Variants in POLR3B observed in about 807,000 individuals in gnomAD.
POLR3B encodes the protein RNA polymerase III subunit B.
Under a neutral mutation model 147.4 loss-of-function variants are expected in POLR3B, and 96 were observed. The ratio of observed to expected loss-of-function variants is 0.65; its 90% CI spans 0.55 to 0.77. The LOEUF is 0.77. Among genes scored for constraint, POLR3B ranks in the 30% least tolerant of loss-of-function variants. POLR3B has a pLI of 0.00. For missense variants in POLR3B, 1,036 were observed against 1,413.5 expected (o/e 0.73, Z 4.28); for synonymous variants, 461 against 485.9 (o/e 0.95, Z 0.67).
At chr12:106,448,200 G>T (rs2037747645) in intron 19 of POLR3B, among the ~76,000 whole-genome samples, 1 of 151,906 alleles carries the variant, frequency 6.6e-6, no homozygotes, top group African/African-American at 2.4e-5. Flanking sequence ...TTAGGTTTAA[G>T]CTTATGTGGT....
chr12:106,420,047 G>A (rs980954438), intron 12 of POLR3B, among the ~76,000 whole-genome samples: 10 of 152,036 alleles, frequency 6.6e-5, no homozygotes, highest in Admixed American at 6.6e-5. Context: ...GCTAGGCTCA[G>A]GCGTTTCCAG....
At chr12:106,432,775 A>G (rs1218613624) in intron 15 of POLR3B, among the ~76,000 whole-genome samples, 6 of 152,146 alleles carry the variant, frequency 3.9e-5, no homozygotes, top group African/African-American at 7.2e-5. Context: ...TCAACATGGT[A>G]TCTTTAAGTA....
rs577249686 is a variant in POLR3B, at chr12:106,466,342, T to G, written c.2713+2722T>G. Among the ~76,000 whole-genome samples, 24 of 152,352 alleles carry G rather than the reference T, an allele frequency of 1.6e-4. No individual in the cohort carries two copies. In the South Asian group the frequency reaches 2.7e-3, roughly 17 times the overall value. On this transcript the variant is annotated intron_variant, in intron 23 of 27. Transcript: ENST00000228347. ...AAATTTGTTTAAGTCCGTTGTAGAT[T>G]CTGGATATTAGCCCTTTGTCAGATG... is the stretch of plus-strand genomic sequence containing the variant.
intron 19 of POLR3B, chr12:106,446,399 T>C: frequency 3.4e-6 from 1 of 290,634 alleles, no homozygotes; most frequent in South Asian, 2.8e-5. Context: ...ATTTTTATTT[T>C]TATAACTCCT....
intron 14 of POLR3B, among the ~76,000 whole-genome samples, chr12:106,431,112 G>A (rs1015755962): frequency 6.6e-6 from 1 of 152,130 alleles, no homozygotes; most frequent in East Asian, 1.9e-4. Flanking sequence ...TCCTAACATA[G>A]AGCCTTGGTT....
chr12:106,406,465 C>A (rs2037152101), intron 11 of POLR3B, among the ~76,000 whole-genome samples: 1 of 152,150 alleles, frequency 6.6e-6, no homozygotes, highest in Non-Finnish European at 1.5e-5. Context: ...GTACAATTTT[C>A]TGGACTTAAG....
chr12:106,438,013 A>G (rs145150250), intron 18 of POLR3B, among the ~76,000 whole-genome samples: 124 of 152,234 alleles, frequency 8.1e-4, no homozygotes, highest in African/African-American at 2.8e-3. Flanking sequence ...CCCAGCATGC[A>G]TTAGCTATTT....
At chr12:106,481,928 A>C (rs886229181) in intron 23 of POLR3B, among the ~76,000 whole-genome samples, 2 of 152,106 alleles carry the variant, frequency 1.3e-5, no homozygotes, top group African/African-American at 2.4e-5. Flanking sequence ...TGCCTCTAAG[A>C]CTTCTTGGGT....
chr12:106,503,982 C>A, intron 26 of POLR3B, 99 bp from the exon 27 acceptor site: 1 of 1,084,250 alleles, frequency 9.2e-7, no homozygotes, highest in Non-Finnish European at 1.4e-6. Flanking sequence ...TCCAGATGAG[C>A]CCTGCTCCAA....
intron 11 of POLR3B, among the ~76,000 whole-genome samples, chr12:106,406,789 C>T (rs2037157707): frequency 6.6e-6 from 1 of 152,186 alleles, no homozygotes; most frequent in Admixed American, 6.5e-5. Context: ...CCTCAATTTT[C>T]TTCCCATTTA....
chr12:106,427,203 T>A lies in POLR3B; in HGVS notation c.1108T>A (p.Ser370Thr). Residue 370 changes from serine to threonine, a missense_variant, in exon 13 of 28, where the codon TCT becomes ACT. By Grantham distance (58) the Ser-to-Thr change is moderately conservative. This residue lies in a region of POLR3B where 89 missense variants were observed against 110.9 expected (regional missense o/e 0.80). Transcript: ENST00000228347. The stretch of plus-strand genomic sequence containing the variant: ...CCTTTTTTTTTTTTTTTAGCTTTTA[T>A]CTCTTCTTTTTGAAGACTTGTTCAA... The part of the protein sequence containing the change: ...KRLELAGQLL[S>T]LLFEDLFKKF... 6.5e-7 allele frequency: 1 copy of A among 1,538,186 alleles called. No homozygotes were observed. The highest frequency in any genetic ancestry group is 8.9e-7 in the Non-Finnish European group (1 of 1,120,568).
At chr12:106,433,378 A>C (rs1349249116) in intron 15 of POLR3B, among the ~76,000 whole-genome samples, 2 of 152,216 alleles carry the variant, frequency 1.3e-5, no homozygotes, top group Non-Finnish European at 2.9e-5. Flanking sequence ...ACTTTAAATG[A>C]TCAGCTCGTT....
intron 23 of POLR3B, among the ~76,000 whole-genome samples, chr12:106,476,542 A>G (rs1254066063): frequency 9.0e-6 from 1 of 111,546 alleles, no homozygotes; most frequent in East Asian, 2.2e-4. Context: ...ATAGTCCCAT[A>G]TTTCTTGGAG....
intron 2 of POLR3B, among the ~76,000 whole-genome samples, chr12:106,365,292 T>C (rs1023619865): frequency 1.3e-5 from 2 of 152,122 alleles, no homozygotes; most frequent in African/African-American, 4.8e-5. Context: ...TGTTAAGGAT[T>C]TGGCTTTTCT....
At chr12:106,398,607 C>T (rs1033526687) in intron 10 of POLR3B, among the ~76,000 whole-genome samples, 1 of 152,188 alleles carries the variant, frequency 6.6e-6, no homozygotes, top group African/African-American at 2.4e-5. Context: ...TGACACCTCA[C>T]ACGGCCAGGT....
At chr12:106,358,875 G>A (rs1477245448) in intron 1 of POLR3B, among the ~76,000 whole-genome samples, 3 of 152,166 alleles carry the variant, frequency 2.0e-5, no homozygotes, top group African/African-American at 7.2e-5. Flanking sequence ...TTGGAGCAGA[G>A]CTTTTGAAGG....
chr12:106,401,415 C>A (rs922615569), intron 10 of POLR3B, among the ~76,000 whole-genome samples: 1 of 152,188 alleles, frequency 6.6e-6, no homozygotes, highest in African/African-American at 2.4e-5. Context: ...CCTTCTGAAA[C>A]TGTTCCAATC....
chr12:106,440,538 A>G (rs1191442834), intron 18 of POLR3B, among the ~76,000 whole-genome samples: 2 of 152,080 alleles, frequency 1.3e-5, no homozygotes, highest in East Asian at 1.9e-4. Flanking sequence ...CAAACACTCC[A>G]GGCGTGCCTC....
At chr12:106,441,121 T>A (rs1471918311) in intron 18 of POLR3B, among the ~76,000 whole-genome samples, 13 of 151,956 alleles carry the variant, frequency 8.6e-5, no homozygotes, top group Admixed American at 2.0e-4. Flanking sequence ...CATACACACA[T>A]GATTCCACAC....
Sources: allele counts gnomAD v4.1 joint callset (sites outside exome capture counted in the v4.1 genomes callset), GRCh38; gene constraint gnomAD v4.1.1; regional missense constraint gnomAD v4.1.1; transcripts MANE v1.5; gene names NCBI Gene and HGNC (gene_info 2026-07-23, HGNC 2026-07-21).